Variants in NECTIN3 observed in about 807,000 individuals in gnomAD.
The protein encoded by NECTIN3 is nectin-3.
A neutral mutation model predicts 49.4 loss-of-function variants in NECTIN3; 8 were observed. The ratio of observed to expected loss-of-function variants is 0.16; its 90% CI spans 0.10 to 0.29. The LOEUF is 0.29. NECTIN3 is among the 10% of genes least tolerant of loss of function. The pLI, the probability that NECTIN3 is intolerant of heterozygous loss-of-function variation, is 1.00. For synonymous variants in NECTIN3, 277 were observed against 241.1 expected (o/e 1.15, Z -1.38); for missense variants, 581 against 654.6 (o/e 0.89, Z 1.23).
intron 6 of NECTIN3, chr3:111,147,252 T>G (rs2034895243): frequency 6.8e-6 from 4 of 588,864 alleles, no homozygotes; most frequent in Non-Finnish European, 1.2e-5. Flanking sequence ...AATGGCAATG[T>G]AAGAACTGAA....
chr3:111,115,022 C>T (rs1333498747), intron 2 of NECTIN3, among the ~76,000 whole-genome samples: 1 of 152,008 alleles, frequency 6.6e-6, no homozygotes, highest in African/African-American at 2.4e-5. Context: ...TTTTCTTAAC[C>T]CCAGTATTGT....
chr3:111,108,693 G>T (rs112428021), intron 1 of NECTIN3, among the ~76,000 whole-genome samples: 2 of 152,114 alleles, frequency 1.3e-5, no homozygotes, highest in African/African-American at 4.8e-5. Context: ...TAGAATCATG[G>T]GAGAAAGTGA....
chr3:111,176,774 C>T (rs528121875), intron 7 of NECTIN3, among the ~76,000 whole-genome samples: 82 of 151,986 alleles, frequency 5.4e-4, no homozygotes, highest in African/African-American at 1.9e-3. Flanking sequence ...ACTTAGAAGG[C>T]TTCTAGAAAG....
chr3:111,132,589 T>C (rs1221403706), intron 5 of NECTIN3, among the ~76,000 whole-genome samples: 2 of 151,982 alleles, frequency 1.3e-5, no homozygotes, highest in Admixed American at 6.6e-5. Context: ...GACCTATAAA[T>C]ACTACTTAAT....
chr3:111,173,944 GTCA>G (rs1342130174), intron 7 of NECTIN3, among the ~76,000 whole-genome samples: 4 of 152,016 alleles, frequency 2.6e-5, no homozygotes, highest in Admixed American at 6.6e-5. Flanking sequence ...GAACCTAGCT[GTCA>G]TCATCATCAT....
At chr3:111,109,526 T>G (rs546598176) in intron 1 of NECTIN3, among the ~76,000 whole-genome samples, 1 of 152,168 alleles carries the variant, frequency 6.6e-6, no homozygotes, top group East Asian at 1.9e-4. Flanking sequence ...TTTTTTTCTT[T>G]TTCTTTCAGT....
rs564519906 is a variant in NECTIN3 at position 111,158,448 on chromosome 3, G to T, written c.1221+10964G>T. On this transcript the variant is annotated intron_variant, in intron 7 of 8. Coordinates refer to the NECTIN3 transcript ENST00000493615. ...TTATGAAAAGAAATGGCATGTAAATGTATTTGTTTGAAACCTTTCAAATGC... is the reference window on the plus strand; with the variant it reads ...TTATGAAAAGAAATGGCATGTAAATTTATTTGTTTGAAACCTTTCAAATGC... 3.5e-4 allele frequency among the ~76,000 whole-genome samples: 53 copies of T among 152,102 alleles called. 1 individual carries two copies. In the South Asian group the frequency reaches 0.011, roughly 32 times the overall value.
intron 7 of NECTIN3, among the ~76,000 whole-genome samples, chr3:111,177,004 CTT>C (rs1043361429): frequency 1.3e-5 from 2 of 152,024 alleles, no homozygotes; most frequent in African/African-American, 4.8e-5. Context: ...TTTAGGCGGC[CTT>C]TTCTGTTTTA....
chr3:111,175,381 C>T (rs896047168), intron 7 of NECTIN3, among the ~76,000 whole-genome samples: 3 of 151,716 alleles, frequency 2.0e-5, no homozygotes, highest in Admixed American at 6.6e-5. Context: ...CCCTCTTCTA[C>T]CCAGTGTCTT....
intron 1 of NECTIN3, among the ~76,000 whole-genome samples, chr3:111,096,054 C>T (rs2032567433): frequency 6.6e-6 from 1 of 152,134 alleles, no homozygotes; most frequent in Admixed American, 6.5e-5. Context: ...CAGAAGAAGA[C>T]AGAAAAATGT....
chr3:111,105,648 C>T (rs181543861), intron 1 of NECTIN3, among the ~76,000 whole-genome samples: 1 of 152,128 alleles, frequency 6.6e-6, no homozygotes, highest in Admixed American at 6.5e-5. Context: ...TGAATAAAGA[C>T]ATTTCATTTG....
At chr3:111,129,905 C>T (rs969298712) in intron 5 of NECTIN3, among the ~76,000 whole-genome samples, 2 of 151,464 alleles carry the variant, frequency 1.3e-5, no homozygotes, top group Non-Finnish European at 2.9e-5. Flanking sequence ...CCACCTCAGG[C>T]TCCTAGTGTG....
At chr3:111,078,814 A>G (rs895704981) in intron 1 of NECTIN3, among the ~76,000 whole-genome samples, 2 of 152,102 alleles carry the variant, frequency 1.3e-5, no homozygotes, top group African/African-American at 4.8e-5. Flanking sequence ...TGCAGAATTG[A>G]CTTTCTATGA....
intron 1 of NECTIN3, among the ~76,000 whole-genome samples, chr3:111,097,240 C>T (rs1304945689): frequency 6.6e-6 from 1 of 152,152 alleles, no homozygotes; most frequent in Admixed American, 6.5e-5. Flanking sequence ...TGGACTTCAG[C>T]CCCTTTGTTT....
chr3:111,182,187 G>C (rs1275123778), intron 7 of NECTIN3, among the ~76,000 whole-genome samples: 1 of 151,912 alleles, frequency 6.6e-6, no homozygotes, highest in African/African-American at 2.4e-5. Context: ...TTTATGGTTA[G>C]AAAATATATC....
At chr3:111,112,621 G>A (rs1057031447) in intron 2 of NECTIN3, among the ~76,000 whole-genome samples, 1 of 152,026 alleles carries the variant, frequency 6.6e-6, no homozygotes, top group Non-Finnish European at 1.5e-5. Flanking sequence ...GAAAGATAGT[G>A]ATGAGTTTTA....
At chr3:111,111,899 ATGTGTGTGTGTGTGTGTGTGTG>A in intron 1 of NECTIN3, 109 bp from the exon 2 acceptor site, 1 of 579,970 alleles carries the variant, frequency 1.7e-6, no homozygotes, top group South Asian at 2.2e-5. Context: ...GTGTGTGTGC[ATGTGTGTGTGTGTGTGTGTGTG>A]TGTGTGTGTG....
chr3:111,087,169 C>T (rs921874661), intron 1 of NECTIN3, among the ~76,000 whole-genome samples: 1 of 152,092 alleles, frequency 6.6e-6, no homozygotes, highest in Non-Finnish European at 1.5e-5. Context: ...AGCATGCCAT[C>T]TATGATGAAG....
intron 5 of NECTIN3, among the ~76,000 whole-genome samples, chr3:111,143,723 G>A (rs1020369597): frequency 2.0e-5 from 3 of 151,736 alleles, no homozygotes; most frequent in African/African-American, 4.8e-5. Context: ...TTCATTAGTC[G>A]GCGTTATATA....
Sources: allele counts gnomAD v4.1 joint callset (sites outside exome capture counted in the v4.1 genomes callset), GRCh38; gene constraint gnomAD v4.1.1; transcripts MANE v1.5; gene names NCBI Gene and HGNC (gene_info 2026-07-23, HGNC 2026-07-21).